TTN: variants seen among roughly 807,000 people sequenced by gnomAD.
TTN encodes the protein connectin.
TTN carries 1,525 observed loss-of-function variants against 3,223.0 expected under a neutral mutation model. The observed-to-expected ratio is 0.47, with a 90% CI of 0.45 to 0.49. The LOEUF is 0.49. Ranked by LOEUF, TTN falls within the 20% of genes least tolerant of loss-of-function variation. The pLI, the probability that TTN is intolerant of heterozygous loss-of-function variation, is 0.00. For synonymous variants in TTN, 14,094 were observed against 15,161.0 expected (o/e 0.93, Z 5.17); for missense variants, 40,786 against 43,424.0 (o/e 0.94, Z 5.40).
Position 178,635,177 on chromosome 2 carries a change from T to G in TTN, c.42012A>C (p.Leu14004=), listed in dbSNP as rs1459327333. The G allele has an allele frequency of 6.2e-7, 1 of 1,613,050 alleles. No individual in the cohort carries two copies. The highest frequency in any genetic ancestry group is 1.7e-5 in the Admixed American group (1 of 59,896). The change falls in exon 228 of 363, where the codon CTA becomes CTC. Residue 14004 remains leucine, a synonymous_variant. Coordinates refer to ENST00000589042, the MANE Select transcript of TTN (RefSeq NM_001267550.2). The part of the protein sequence containing the change: ...PGQWKLKGEL[L]RPSPTCEIKA... The stretch of plus-strand genomic sequence containing the variant: ...TGAAATTACTCACAGGTGAGGGCCT[T>G]AGAAGTTCTCCTTTCAGTTTCCATT...
rs1261377076 is a variant in TTN, at chr2:178,651,266, T to A, written c.39602A>T (p.Lys13201Met). 1.7e-5 allele frequency: 27 copies of A among 1,613,038 alleles called. 1 individual carries two copies. The Admixed American group carries it at 4.5e-4, about 27-fold the overall frequency. Reference protein sequence around the residue: ...VPEKKVAVPKKPEVPPAKVPE... With the variant: ...VPEKKVAVPKMPEVPPAKVPE... ...ACCTTTTGCTGGTGGGACTTCTGGC[T>A]TTTTGGGAACAGCTACTTTCTTTTC... Residue 13201 changes from lysine to methionine, a missense_variant, in exon 208 of 363, where the codon AAG becomes ATG. By Grantham distance (95) the Lys-to-Met change is moderately conservative. Coordinates refer to ENST00000589042, the MANE Select transcript of TTN (RefSeq NM_001267550.2).
chr2:178,748,386 C>A (rs2084309047), intron 47 of TTN: 1 of 1,613,210 alleles, frequency 6.2e-7, no homozygotes, highest in African/African-American at 1.3e-5. Context: ...TCTTGACTGG[C>A]AAATACATTA....
Position 178,728,083 on chromosome 2 carries a change from A to C in TTN, c.19714+27T>G, listed in dbSNP as rs926758038. 2.6e-6 allele frequency: 4 copies of C among 1,528,174 alleles called. No individual in the cohort carries two copies. In the African/African-American group the frequency reaches 4.2e-5, roughly 16 times the overall value. The allele number at this position is 1,528,174 out of a possible 1,614,324, so 94.7% of individuals were successfully genotyped here. ...ATTTAAGAAGCATTCGCAAGGAAGA[A>C]TCAAGAAGAGGTAAAGAAATTCTAA... On this transcript the variant is annotated intron_variant, in intron 67 of 362. Coordinates refer to ENST00000589042, the MANE Select transcript of TTN (RefSeq NM_001267550.2).
In TTN at chr2:178,681,641, T is replaced by A; in HGVS notation, c.33172+20A>T. ...GGAAACAAAGATCTCTTACAGGTAA[T>A]AATGTTTTTTTCACTCTACCTTTAG... On this transcript the variant is annotated intron_variant, in intron 136 of 362. Coordinates refer to ENST00000589042, the MANE Select transcript of TTN (RefSeq NM_001267550.2). 1 of 1,595,724 alleles carries A rather than the reference T, an allele frequency of 6.3e-7. No individual in the cohort carries two copies. Among genetic ancestry groups the A allele is most frequent in the Non-Finnish European group, 8.5e-7 (1 of 1,172,928 alleles).
chr2:178,668,881 C>T (rs533944639), intron 159 of TTN, among the ~76,000 whole-genome samples: 1 of 148,944 alleles, frequency 6.7e-6, no homozygotes, highest in Non-Finnish European at 1.5e-5. Flanking sequence ...AACCCCCCCC[C>T]AAAAAAAAAG....
chr2:178,704,810 AC>A (rs2154291345), intron 104 of TTN, 33 bp from the exon 105 acceptor site: 1 of 1,606,068 alleles, frequency 6.2e-7, no homozygotes, highest in African/African-American at 1.3e-5. Context: ...CACATTTGTT[AC>A]TCCTTCCCTT....
At chr2:178,554,399 T>C in intron 332 of TTN, 54 bp downstream of exon 332, 1 of 1,562,618 alleles carries the variant, frequency 6.4e-7, no homozygotes, top group South Asian at 1.2e-5. Flanking sequence ...CAGGTTAGCG[T>C]AGTTTATTTT....
chr2:178,689,177 T>C (rs753270586), intron 124 of TTN, 41 bp from the exon 125 acceptor site: 1 of 1,591,354 alleles, frequency 6.3e-7, no homozygotes, highest in Non-Finnish European at 8.5e-7. Flanking sequence ...TAATGTGATC[T>C]CATTGAAGCC....
At chr2:178,550,562 G>A in intron 336 of TTN, 2 of 429,826 alleles carry the variant, frequency 4.7e-6, no homozygotes, top group Non-Finnish European at 8.2e-6. Flanking sequence ...TAATACTGCT[G>A]CACAGTCACA....
intron 88 of TTN, 31 bp from the exon 89 acceptor site, chr2:178,715,805 A>G (rs538597790): frequency 1.3e-6 from 2 of 1,551,230 alleles, no homozygotes; most frequent in South Asian, 2.4e-5. Flanking sequence ...ACACAGGGTA[A>G]GGGATGGAAC....
Position 178,704,233 on chromosome 2 carries a change from G to A in TTN, c.30137C>T (p.Thr10046Ile), listed in dbSNP as rs535268419. The A allele has an allele frequency of 9.3e-6, 15 of 1,613,974 alleles. No homozygotes were observed. The highest frequency in any genetic ancestry group is 1.6e-4 in the Middle Eastern group (1 of 6,062). Residue 10046 changes from threonine to isoleucine, a missense_variant, in exon 106 of 363, where the codon ACC (threonine) becomes ATC (isoleucine). Transcript: ENST00000589042. ...TEVEHKVHKL[T>I]IADVRAEDQG... Reference sequence around the variant, plus strand: ...GTCTTCTGCTCGAACATCTGCAATGGTCAATTTATGGACTTTGTGTTCCAC... The same window carrying A: ...GTCTTCTGCTCGAACATCTGCAATGATCAATTTATGGACTTTGTGTTCCAC...
In TTN at chr2:178,531,531, C is replaced by T. The variant is rs774968722; in HGVS notation, c.105084G>A (p.Thr35028=). The change falls in exon 358 of 363, where the codon ACG becomes ACA. Residue 35028 remains threonine, a synonymous_variant. Coordinates refer to ENST00000589042, the MANE Select transcript of TTN (RefSeq NM_001267550.2). Reference sequence around the variant, plus strand: ...TATAATCCCCTCCTGTCACGTCCAACGTTGCATAGTCAGAAGCTTCGCCCT... The same window carrying T: ...TATAATCCCCTCCTGTCACGTCCAATGTTGCATAGTCAGAAGCTTCGCCCT... ...NYKGEASDYA[T]LDVTGGDYTT... 35 of 1,613,850 alleles carry T rather than the reference C, an allele frequency of 2.2e-5. No individual in the cohort carries two copies. Among genetic ancestry groups the T allele is most frequent in the Non-Finnish European group, 2.8e-5 (33 of 1,179,896 alleles).
intron 244 of TTN, 42 bp from the exon 245 acceptor site, chr2:178,621,783 G>A (rs1288033139): frequency 2.5e-6 from 4 of 1,607,992 alleles, no homozygotes; most frequent in Non-Finnish European, 3.4e-6. Context: ...GAGTTAAGCT[G>A]GAAATTATTA....
At chr2:178,801,535 T>C (rs1341462324) in intron 3 of TTN, among the ~76,000 whole-genome samples, 2 of 152,218 alleles carry the variant, frequency 1.3e-5, no homozygotes, top group Non-Finnish European at 2.9e-5. Context: ...ATGTAAGATA[T>C]TGTTATAAAA....
rs2060168886 is a variant in TTN, at chr2:178,634,431, T to A, written c.42350A>T (p.Asp14117Val). Residue 14117 changes from aspartate (D) to valine (V), a missense_variant, in exon 230 of 363, where the codon GAT (aspartate) becomes GTT (valine). Coordinates refer to ENST00000589042, the MANE Select transcript of TTN (RefSeq NM_001267550.2). This position sits in a 1 kb window ranked among gnomAD's most constrained non-coding sequence, Gnocchi z 4.6. ...HILVINDSQF[D>V]DEGVYTAEVE... ...CTCAGCAGTATAGACCCCTTCATCA[T>A]CAAATTGAGAATCATTAATAACAAG... is the stretch of plus-strand genomic sequence containing the variant. The A allele has an allele frequency of 1.1e-5, 18 of 1,613,116 alleles. 1 individual carries two copies. The highest frequency in any genetic ancestry group is 1.5e-5 in the Non-Finnish European group (18 of 1,179,462).
Position 178,683,271 on chromosome 2 carries a change from C to G in TTN, c.32827G>C (p.Val10943Leu). The G allele has an allele frequency of 6.5e-7, 1 of 1,544,966 alleles. No homozygotes were observed. Among genetic ancestry groups the G allele is most frequent in the Non-Finnish European group, 8.8e-7 (1 of 1,141,578 alleles). ...ATTGATACTTTTTCTTCTTTAACCA[C>G]TCTTTTTCTGAATTCAGTCACTTTA... ...PAKVTEFRKRVVKEEKVSIEA... is the reference protein window; with the variant it reads ...PAKVTEFRKRLVKEEKVSIEA... The change falls in exon 134 of 363, where the codon GTG becomes CTG. Residue 10943 changes from valine to leucine, a missense_variant. Coordinates refer to ENST00000589042, the MANE Select transcript of TTN (RefSeq NM_001267550.2).
At position 178,547,955 on chromosome 2, in the gene TTN, A is replaced by G; in HGVS notation, c.93671T>C (p.Leu31224Pro). 6.2e-7 allele frequency: 1 copy of G among 1,613,704 alleles called. No individual in the cohort carries two copies. The highest frequency in any genetic ancestry group is 1.3e-5 in the African/African-American group (1 of 74,998). The change falls in exon 339 of 363, where the codon CTT becomes CCT. Residue 31224 changes from leucine to proline, a missense_variant. Physicochemically the swap from Leu to Pro is moderately conservative, Grantham distance 98. Transcript: ENST00000589042. ...TADLTGITNQ[L>P]ITCKAGSPFT... Reference sequence around the variant, plus strand: ...TGGGCTTCCTGCTTTGCAAGTTATAAGCTGATTGGTAATTCCAGTGAGGTC... The same window carrying G: ...TGGGCTTCCTGCTTTGCAAGTTATAGGCTGATTGGTAATTCCAGTGAGGTC...
chr2:178,573,105 C>T lies in TTN; in HGVS notation c.73027G>A (p.Ala24343Thr), dbSNP rs72646895. The T allele has an allele frequency of 3.7e-5, 60 of 1,613,072 alleles. No homozygotes were observed. The Admixed American group carries it at 3.8e-4, about 10-fold the overall frequency. The change falls in exon 326 of 363, where the codon GCT (alanine) becomes ACT (threonine). Residue 24343 changes from alanine to threonine, a missense_variant. Coordinates refer to ENST00000589042, the MANE Select transcript of TTN (RefSeq NM_001267550.2). ...CCATCATAGATAGGTTTATTCCAAGCGATTGAAATGGATGATCTGCTTGTA... is the reference window on the plus strand; with the variant it reads ...CCATCATAGATAGGTTTATTCCAAGTGATTGAAATGGATGATCTGCTTGTA... ...LDTSRSSISI[A>T]WNKPIYDGGS...
chr2:178,781,236 GGTTT>G lies in TTN; in HGVS notation c.3404_3407del (p.Gln1135ProfsTer7). ...TAGAAATCACCAGCTTGCATTCACC[GGTTT>G]GTTTGTTGTAACTCACTTTGTATCT... On this transcript the variant is annotated frameshift_variant, in exon 21 of 363. Transcript: ENST00000589042. LOFTEE classifies it high-confidence loss of function. 1 of 1,613,980 alleles carries G rather than the reference GGTTT, an allele frequency of 6.2e-7. No homozygotes were observed. Among genetic ancestry groups the G allele is most frequent in the Non-Finnish European group, 8.5e-7 (1 of 1,179,964 alleles).
Sources: allele counts gnomAD v4.1 joint callset (sites outside exome capture counted in the v4.1 genomes callset), GRCh38; gene constraint gnomAD v4.1.1; non-coding constraint Gnocchi (gnomAD v3.1); transcripts MANE v1.5; gene names NCBI Gene and HGNC (gene_info 2026-07-23, HGNC 2026-07-21).